MYO7A: variants seen among roughly 807,000 people sequenced by gnomAD.
MYO7A encodes unconventional myosin-VIIa.
A neutral mutation model predicts 263.8 loss-of-function variants in MYO7A; 210 were observed. The ratio of observed to expected loss-of-function variants is 0.80; its 90% CI spans 0.71 to 0.89. MYO7A has a LOEUF of 0.89. Ranked by LOEUF, MYO7A falls within the 40% of genes least tolerant of loss-of-function variation. The pLI is 0.00. For missense variants in MYO7A, 2,820 were observed against 2,968.3 expected (o/e 0.95, Z 1.16); for synonymous variants, 1,239 against 1,197.3 (o/e 1.03, Z -0.72).
At chr11:77,131,495 G>A (rs1950765477) in intron 2 of MYO7A, among the ~76,000 whole-genome samples, 1 of 152,240 alleles carries the variant, frequency 6.6e-6, no homozygotes, top group Non-Finnish European at 1.5e-5. Context: ...CCAGGGGCTG[G>A]AGGAGACCCC....
chr11:77,213,833 C>G (rs1287953449), intron 47 of MYO7A, 27 bp from the exon 48 acceptor site: 1 of 1,613,936 alleles, frequency 6.2e-7, no homozygotes, highest in South Asian at 1.1e-5. Flanking sequence ...CAGGCCGTGC[C>G]TCTCTATGCC....
At chr11:77,145,917 C>G (rs898366692) in intron 3 of MYO7A, among the ~76,000 whole-genome samples, 4 of 152,206 alleles carry the variant, frequency 2.6e-5, no homozygotes, top group African/African-American at 9.7e-5. Context: ...CTGTCCATGA[C>G]TGACTTCTGC....
intron 14 of MYO7A, among the ~76,000 whole-genome samples, chr11:77,164,319 C>T (rs1310524652): frequency 1.3e-5 from 2 of 152,084 alleles, no homozygotes; most frequent in African/African-American, 4.8e-5. Context: ...ACCCTGAGCC[C>T]TGCCATACAG....
intron 22 of MYO7A, among the ~76,000 whole-genome samples, 156 bp downstream of exon 22, chr11:77,180,637 G>A (rs1264292213): frequency 2.6e-5 from 4 of 152,200 alleles, no homozygotes; most frequent in South Asian, 2.1e-4. Flanking sequence ...CTGAGCTCTC[G>A]CTGGGCACCT....
chr11:77,204,095 C>T lies in MYO7A; in HGVS notation c.5346C>T (p.Gly1782=), dbSNP rs373822765. Residue 1782 remains glycine, a synonymous_variant, in exon 39 of 49, where the codon GGC becomes GGT. Coordinates refer to ENST00000409709, the MANE Select transcript of MYO7A (RefSeq NM_000260.4). ...CCCCAGCTGTGCTCAAGTACATGGG[C>T]GACTACCCGTCCAAGAGGACACGCT... ...LAFIAVLKYM[G]DYPSKRTRSV... 17 of 1,601,270 alleles carry T rather than the reference C, an allele frequency of 1.1e-5. No individual in the cohort carries two copies. Among genetic ancestry groups the T allele is most frequent in the Admixed American group, 1.7e-5 (1 of 58,490 alleles).
At chr11:77,161,994 C>CT (rs1953043815) in intron 12 of MYO7A, 126 bp from the exon 13 acceptor site, 1 of 880,006 alleles carries the variant, frequency 1.1e-6, no homozygotes, top group Non-Finnish European at 1.8e-6. Context: ...CCCCTCGCCT[C>CT]TGAGTTTGGA....
intron 23 of MYO7A, 98 bp from the exon 24 acceptor site, chr11:77,181,853 C>T (rs1955246842): frequency 5.0e-6 from 5 of 1,008,064 alleles, no homozygotes; most frequent in African/African-American, 1.6e-5. Context: ...AGCGTGATCA[C>T]AGCTCACTGC....
chr11:77,155,761 C>G lies in MYO7A; in HGVS notation c.286-146C>G, dbSNP rs557176183. On this transcript the variant is annotated intron_variant, in intron 4 of 48. Coordinates refer to ENST00000409709, the MANE Select transcript of MYO7A (RefSeq NM_000260.4). ...CCCTGCCCCAGCTCCTAAGGAGGCC[C>G]GATTCTGGCTCCAGGTCCACCCACA... 2.0e-5 allele frequency: 17 copies of G among 845,610 alleles called. No individual in the cohort carries two copies. The Admixed American group carries it at 4.9e-4, about 25-fold the overall frequency. 52.4% of individuals were successfully genotyped at this position (845,610 alleles called of 1,614,324 possible). A position where few individuals can be genotyped will look rare whatever the true frequency, so the allele number is the denominator to read the frequency against.
rs115968777 is a variant in MYO7A at position 77,214,007 on chromosome 11, G to C, written c.6558+28G>C. The C allele has an allele frequency of 1.3e-4, 211 of 1,613,050 alleles. 1 individual carries two copies. In the African/African-American group the frequency reaches 2.3e-3, roughly 18 times the overall value. On this transcript the variant is annotated intron_variant, in intron 48 of 48. Transcript: ENST00000409709. ...GAGGGCGCATCCTGCTGGGCCTAGT[G>C]GGCTCCCTGCCTTGCCTGCAGCGTA... is the stretch of plus-strand genomic sequence containing the variant.
At chr11:77,163,060 A>G (rs1953163841) in intron 14 of MYO7A, 72 bp downstream of exon 14, 1 of 1,532,046 alleles carries the variant, frequency 6.5e-7, no homozygotes, top group South Asian at 1.2e-5. Flanking sequence ...GCCCAGGAAT[A>G]AGATATCCGG....
intron 44 of MYO7A, among the ~76,000 whole-genome samples, chr11:77,210,402 G>T (rs12793830): frequency 7.9e-5 from 12 of 151,844 alleles, no homozygotes; most frequent in South Asian, 2.1e-4. Context: ...GTAGGTGAGT[G>T]GGTGGATGGG....
chr11:77,210,134 T>A (rs1957764924), intron 44 of MYO7A, among the ~76,000 whole-genome samples: 2 of 152,236 alleles, frequency 1.3e-5, no homozygotes, highest in Non-Finnish European at 1.5e-5. Context: ...CTGTGGACAA[T>A]TCCTTCAAAG....
chr11:77,181,261 G>A (rs779406976), intron 22 of MYO7A, 119 bp from the exon 23 acceptor site: 2 of 869,116 alleles, frequency 2.3e-6, no homozygotes, highest in South Asian at 3.6e-5. Flanking sequence ...CTTCCCAGCG[G>A]TCAGGAGGTG....
In MYO7A at chr11:77,147,779, ACGTTCTGG is replaced by A. The variant is rs782211966; in HGVS notation, c.133-17_133-10del. On this transcript the variant is annotated splice_polypyrimidine_tract_variant and intron_variant, in intron 3 of 48. Coordinates refer to ENST00000409709, the MANE Select transcript of MYO7A (RefSeq NM_000260.4). ...GCCTGGGCCCCAGGAGAGCACGCTG[ACGTTCTGG>A]CTCCCCGCAGGAACACTGGATCTCT... is the stretch of plus-strand genomic sequence containing the variant. 1.2e-6 allele frequency: 2 copies of A among 1,607,034 alleles called. No individual in the cohort carries two copies. Among genetic ancestry groups the A allele is most frequent in the East Asian group, 4.5e-5 (2 of 44,602 alleles).
Position 77,179,912 on chromosome 11 carries a change from G to T in MYO7A, c.2545G>T (p.Gly849Cys). ...AVLTVQAYAR[G>C]MIARRLHQRL... ...GCTCACCGTGCAGGCCTATGCCCGG[G>T]GCATGATCGCCCGCAGGCTGCACCA... The change falls in exon 21 of 49, where the codon GGC (glycine) becomes TGC (cysteine). Residue 849 changes from glycine to cysteine, a missense_variant. Gly to Cys is a radical substitution (Grantham distance 159). Coordinates refer to ENST00000409709, the MANE Select transcript of MYO7A (RefSeq NM_000260.4). 1 of 1,535,502 alleles carries T rather than the reference G, an allele frequency of 6.5e-7. No homozygotes were observed. The highest frequency in any genetic ancestry group is 8.7e-7 in the Non-Finnish European group (1 of 1,143,856).
intron 18 of MYO7A, 31 bp downstream of exon 18, chr11:77,175,495 TGG>T: frequency 6.3e-7 from 1 of 1,591,376 alleles, no homozygotes; most frequent in Non-Finnish European, 8.6e-7. Flanking sequence ...TGGGCTGCCC[TGG>T]GGGGGCTGTA....
At chr11:77,207,997 G>A (rs1296368344) in intron 42 of MYO7A, among the ~76,000 whole-genome samples, 2 of 152,196 alleles carry the variant, frequency 1.3e-5, no homozygotes, top group Non-Finnish European at 2.9e-5. Flanking sequence ...GCCTGCTGAT[G>A]GCTCTGTGTG....
chr11:77,204,293 C>T, intron 39 of MYO7A, 64 bp downstream of exon 39: 48 of 1,530,194 alleles, frequency 3.1e-5, no homozygotes, highest in Middle Eastern at 1.9e-4. Context: ...CAGCTCTTAC[C>T]CTCCTGAGGC....
At position 77,199,612 on chromosome 11, in the gene MYO7A, C is replaced by T. The variant is rs1232069845; in HGVS notation, c.4646C>T (p.Thr1549Ile). Residue 1549 changes from threonine to isoleucine, a missense_variant, in exon 35 of 49, where the codon ACC (threonine) becomes ATC (isoleucine). By Grantham distance (89) the Thr-to-Ile change is moderately conservative. Transcript: ENST00000409709. The part of the protein sequence containing the change: ...AAPHSGWAGL[T>I]PAGPCSPCWS... ...CCTCACTCAGGCTGGGCAGGACTGACCCCGGCGGGGCCCTGTTCTCCGTGT... is the reference window on the plus strand; with the variant it reads ...CCTCACTCAGGCTGGGCAGGACTGATCCCGGCGGGGCCCTGTTCTCCGTGT... 5 of 1,602,070 alleles carry T rather than the reference C, an allele frequency of 3.1e-6. No individual in the cohort carries two copies. In the South Asian group the frequency reaches 5.6e-5, roughly 18 times the overall value.
Sources: gnomAD v4.1 joint callset for allele counts (sites outside exome capture counted in the v4.1 genomes callset) on GRCh38, gnomAD v4.1.1 for gene constraint, MANE v1.5 for transcripts, NCBI Gene and HGNC (gene_info 2026-07-23, HGNC 2026-07-21) for gene names.